TGIF1: variants seen among roughly 807,000 people sequenced by gnomAD.
TGIF1 encodes the protein TGFB induced factor homeobox 1.
TGIF1 carries 4 observed loss-of-function variants against 19.3 expected under a neutral mutation model. That is an observed-to-expected ratio of 0.21 (90% CI 0.10 to 0.47). The LOEUF is 0.47. Ranked by LOEUF, TGIF1 falls within the 20% of genes least tolerant of loss-of-function variation. The pLI is 0.98. For missense variants in TGIF1, 275 were observed against 341.4 expected (o/e 0.81, Z 1.53); for synonymous variants, 122 against 129.3 (o/e 0.94, Z 0.38).
upstream of TGIF1, chr18:3,447,727 C>T (rs238137): frequency 0.041 from 66,162 of 1,613,918 alleles, 1,956 homozygotes; most frequent in African/African-American, 0.14. Flanking sequence ...CCAGCTTTAA[C>T]AACCGTTTGG....
At chr18:3,422,950 AAGCGCTGGGATTGT>A (rs1369253461) in intron 2 of TGIF1, among the ~76,000 whole-genome samples, 2 of 151,894 alleles carry the variant, frequency 1.3e-5, no homozygotes, top group East Asian at 3.9e-4. Context: ...CGGCCTCCCA[AAGCGCTGGGATTGT>A]AGGCGTGAGC....
At chr18:3,438,133 T>G (rs76501870) in intron 2 of TGIF1, among the ~76,000 whole-genome samples, 2,231 of 152,040 alleles carry the variant, frequency 0.015, 58 homozygotes, top group African/African-American at 0.051. Flanking sequence ...TAGTGTAGGT[T>G]GTTGTTGTAT....
rs538208549 is a variant in TGIF1, at chr18:3,454,051, G to A, written c.17-2303G>A. Among the ~76,000 whole-genome samples, 10 of 152,312 alleles carry A rather than the reference G, an allele frequency of 6.6e-5. No homozygotes were observed. The East Asian group carries it at 1.2e-3, about 18-fold the overall frequency. On this transcript the variant is annotated intron_variant, in intron 1 of 2. Coordinates refer to ENST00000343820, the MANE Select transcript of TGIF1 (RefSeq NM_003244.4). ...TTACTGCAGTGAAATATCAGCTGGC[G>A]TAGCCAAGGCACTGAAGTCTTAACT... is the stretch of plus-strand genomic sequence containing the variant.
intron 1 of TGIF1, among the ~76,000 whole-genome samples, chr18:3,452,773 T>C (rs1304924724): frequency 1.3e-5 from 2 of 152,206 alleles, no homozygotes; most frequent in Non-Finnish European, 1.5e-5. Flanking sequence ...CCCTCCTTAC[T>C]GTCTTGTCTT....
chr18:3,440,443 A>C (rs1598879140), intron 2 of TGIF1, among the ~76,000 whole-genome samples: 1 of 152,222 alleles, frequency 6.6e-6, no homozygotes, highest in East Asian at 1.9e-4. Context: ...GGGTTGGTAA[A>C]TGGTTTGACA....
At chr18:3,424,156 T>C (rs1051989460) in intron 2 of TGIF1, among the ~76,000 whole-genome samples, 2 of 152,172 alleles carry the variant, frequency 1.3e-5, no homozygotes, top group African/African-American at 4.8e-5. Flanking sequence ...CAAGTACATA[T>C]CTCATTGTAT....
chr18:3,448,722 T>A, upstream of TGIF1: 2 of 458,588 alleles, frequency 4.4e-6, no homozygotes, highest in Non-Finnish European at 5.5e-6. Context: ...GGTGTCTTTT[T>A]TTTTTTTTTT....
chr18:3,451,718 C>T lies in TGIF1; in HGVS notation c.16+1213C>T. 8.1e-7 allele frequency: 1 copy of T among 1,236,312 alleles called. No individual in the cohort carries two copies. The highest frequency in any genetic ancestry group is 1.0e-6 in the Non-Finnish European group (1 of 990,162). 76.6% of individuals were successfully genotyped at this position (1,236,312 alleles called of 1,614,324 possible). A position where few individuals can be genotyped will look rare whatever the true frequency, so the allele number is the denominator to read the frequency against. On this transcript the variant is annotated intron_variant, in intron 1 of 2. Coordinates refer to ENST00000343820, the MANE Select transcript of TGIF1 (RefSeq NM_003244.4). The surrounding 1 kb of genome is among the most constrained non-coding windows in gnomAD (Gnocchi z 5.4). ...CGCGGAGCTTCCCTCTGCCTCCAGG[C>T]TTTCCCAGCGAGAGTGAAATTAAAC...
intron 1 of TGIF1, among the ~76,000 whole-genome samples, chr18:3,454,327 C>T (rs1353294054): frequency 2.0e-5 from 3 of 152,112 alleles, no homozygotes; most frequent in Non-Finnish European, 4.4e-5. Context: ...TGATTACCAA[C>T]TTACAGTTGG....
chr18:3,426,936 T>G (rs1370056341), intron 2 of TGIF1, among the ~76,000 whole-genome samples: 2 of 149,028 alleles, frequency 1.3e-5, no homozygotes, highest in Admixed American at 1.3e-4. Flanking sequence ...TTTTTTTTTT[T>G]TTTGGAGACG....
At chr18:3,425,768 T>C (rs1004738205) in intron 2 of TGIF1, among the ~76,000 whole-genome samples, 2 of 152,142 alleles carry the variant, frequency 1.3e-5, no homozygotes, top group Non-Finnish European at 2.9e-5. Flanking sequence ...GGGTGATGAC[T>C]GTCTCCTGCG....
intron 1 of TGIF1, among the ~76,000 whole-genome samples, chr18:3,450,966 C>G (rs1268260784): frequency 6.7e-6 from 1 of 148,882 alleles, no homozygotes; most frequent in Non-Finnish European, 1.5e-5. Flanking sequence ...TCCTAGGCTC[C>G]CCCCGCCCCC....
chr18:3,449,538 T>TGGGCCCC, upstream of TGIF1: 5 of 961,938 alleles, frequency 5.2e-6, no homozygotes, highest in Non-Finnish European at 6.1e-6. Context: ...GTCTCATCAT[T>TGGGCCCC]CCCCCCCGCC....
intron 1 of TGIF1, among the ~76,000 whole-genome samples, chr18:3,417,567 T>G (rs1032560757): frequency 2.6e-5 from 4 of 152,254 alleles, no homozygotes; most frequent in Non-Finnish European, 4.4e-5. Flanking sequence ...ACATGTAAAG[T>G]ATAATCCCAT....
upstream of TGIF1, chr18:3,450,043 C>T: frequency 1.0e-6 from 1 of 994,182 alleles, no homozygotes; most frequent in Non-Finnish European, 1.2e-6. Context: ...GCGGCCGCCG[C>T]GCTCGGTCCA....
intron 2 of TGIF1, among the ~76,000 whole-genome samples, chr18:3,429,376 G>A (rs1182484958): frequency 6.6e-6 from 1 of 151,996 alleles, no homozygotes. Flanking sequence ...AGGTGAAACC[G>A]GAAAGGCAAA....
At chr18:3,454,906 C>A (rs1006286910) in intron 1 of TGIF1, among the ~76,000 whole-genome samples, 2 of 152,128 alleles carry the variant, frequency 1.3e-5, no homozygotes. Context: ...AAAAATGTGT[C>A]ACCAAGTCAG....
chr18:3,431,843 A>G (rs1271451568), intron 2 of TGIF1, among the ~76,000 whole-genome samples: 1 of 152,064 alleles, frequency 6.6e-6, no homozygotes, highest in Non-Finnish European at 1.5e-5. Flanking sequence ...AATAAAATGT[A>G]CTAAGGGCCG....
Position 3,456,162 on chromosome 18 carries a change from A to AT in TGIF1, c.17-192_17-191insT. On this transcript the variant is annotated intron_variant, in intron 1 of 2. Coordinates refer to ENST00000343820, the MANE Select transcript of TGIF1 (RefSeq NM_003244.4). This position sits in a 1 kb window ranked among gnomAD's most constrained non-coding sequence, Gnocchi z 4.2. ...AGAAAAGGCATCTGGCATTTGGTTG[A>AT]GAGCCTCCTATGTGGTGCTAGTCAA... The AT allele has an allele frequency of 1.5e-6, 1 of 682,736 alleles. No homozygotes were observed. The highest frequency in any genetic ancestry group is 2.6e-6 in the Non-Finnish European group (1 of 379,094). The allele number at this position is 682,736 out of a possible 1,614,324, so 42.3% of individuals were successfully genotyped here.
Sources: gnomAD v4.1 joint callset for allele counts (sites outside exome capture counted in the v4.1 genomes callset) on GRCh38, gnomAD v4.1.1 for gene constraint, Gnocchi (gnomAD v3.1) non-coding constraint, MANE v1.5 for transcripts, NCBI Gene and HGNC (gene_info 2026-07-23, HGNC 2026-07-21) for gene names.